Variants in ERBB4 observed in about 807,000 individuals in gnomAD.
ERBB4 encodes receptor tyrosine-protein kinase erbB-4.
In ERBB4, 42 loss-of-function variants were observed where a neutral mutation model predicts 158.0. That is an observed-to-expected ratio of 0.27 (90% confidence interval 0.21 to 0.34). The LOEUF (loss-of-function observed/expected upper bound fraction) is 0.34. ERBB4 is among the 10% of genes least tolerant of loss of function. The pLI, the probability that ERBB4 is intolerant of heterozygous loss-of-function variation, is 1.00. For synonymous variants in ERBB4, 583 were observed against 558.7 expected, an observed-to-expected ratio of 1.04 and a Z score of -0.61; for missense variants, 1,333 against 1,624.1, an observed-to-expected ratio of 0.82 and a Z score of 3.08.
At chr2:211,481,347 A>G (rs2065077860) in intron 20 of ERBB4, among the ~76,000 whole-genome samples, 1 of 152,160 alleles carries the variant, frequency 6.6e-6, no homozygotes, top group Non-Finnish European at 1.5e-5. Context: ...AACTTCTAAT[A>G]GAGACTTTCA....
chr2:212,325,685 C>G lies in ERBB4; in HGVS notation c.83-200782G>C, dbSNP rs1048589132. Among the ~76,000 whole-genome samples the G allele has an allele frequency of 2.0e-5, 3 of 150,388 alleles. No individual in the cohort carries two copies. In the East Asian group the frequency reaches 5.9e-4, roughly 29 times the overall value. ...ACCAGAGAGTTTAGAATTTATCATT[C>G]CTGTGTATTAAAGTTTTATGAGCTG... On this transcript the variant is annotated intron_variant, in intron 1 of 27. Coordinates refer to ENST00000342788, the MANE Select transcript of ERBB4 (RefSeq NM_005235.3).
At chr2:211,562,560 T>C (rs1275794319) in intron 19 of ERBB4, among the ~76,000 whole-genome samples, 2 of 152,048 alleles carry the variant, frequency 1.3e-5, no homozygotes, top group Non-Finnish European at 2.9e-5. Flanking sequence ...AACGGTGTCA[T>C]GTATAAATCG....
chr2:211,865,761 A>G (rs2078189683), intron 3 of ERBB4, among the ~76,000 whole-genome samples: 1 of 152,216 alleles, frequency 6.6e-6, no homozygotes, highest in Admixed American at 6.5e-5. Flanking sequence ...GTAAGAAGTC[A>G]TTCCTATTTC....
At chr2:212,096,186 T>A (rs1477821480) in intron 2 of ERBB4, among the ~76,000 whole-genome samples, 1 of 151,924 alleles carries the variant, frequency 6.6e-6, no homozygotes. Flanking sequence ...GGACATGAAT[T>A]GAAGAAAAAG....
intron 14 of ERBB4, among the ~76,000 whole-genome samples, chr2:211,668,355 C>T (rs1408478855): frequency 6.6e-6 from 1 of 152,188 alleles, no homozygotes; most frequent in Admixed American, 6.5e-5. Flanking sequence ...GATTCCCCAT[C>T]TCATTTCCAT....
At chr2:211,479,702 T>TA (rs1311659057) in intron 20 of ERBB4, among the ~76,000 whole-genome samples, 1 of 152,180 alleles carries the variant, frequency 6.6e-6, no homozygotes, top group African/African-American at 2.4e-5. Flanking sequence ...ACTTTGCATG[T>TA]ATTCATGCTC....
chr2:212,288,245 GAC>G (rs548557165), intron 1 of ERBB4, among the ~76,000 whole-genome samples: 24 of 152,212 alleles, frequency 1.6e-4, no homozygotes, highest in South Asian at 1.0e-3. Flanking sequence ...TGCTAGTTTA[GAC>G]TAGGTTTCAG....
At chr2:211,958,003 G>C (rs376478464) in intron 2 of ERBB4, among the ~76,000 whole-genome samples, 5 of 152,182 alleles carry the variant, frequency 3.3e-5, no homozygotes, top group African/African-American at 1.2e-4. Context: ...AAAAGTTAGA[G>C]GTGACTGATT....
At chr2:212,119,042 A>C (rs2079659876) in intron 2 of ERBB4, among the ~76,000 whole-genome samples, 1 of 152,000 alleles carries the variant, frequency 6.6e-6, no homozygotes, top group Non-Finnish European at 1.5e-5. Context: ...TAATGATTAA[A>C]ATTTAAGGTT....
At chr2:212,431,515 C>T (rs975759882) in intron 1 of ERBB4, among the ~76,000 whole-genome samples, 1 of 152,028 alleles carries the variant, frequency 6.6e-6, no homozygotes, top group Non-Finnish European at 1.5e-5. Flanking sequence ...TTGCCTTTGA[C>T]TCTGTTCAGA....
intron 5 of ERBB4, among the ~76,000 whole-genome samples, chr2:211,739,829 A>G (rs2074730967): frequency 2.0e-5 from 3 of 152,124 alleles, no homozygotes; most frequent in Admixed American, 6.6e-5. Flanking sequence ...AAGCATTGGT[A>G]ATTGATTAAA....
At chr2:212,376,703 T>C (rs1195879160) in intron 1 of ERBB4, among the ~76,000 whole-genome samples, 2 of 152,048 alleles carry the variant, frequency 1.3e-5, no homozygotes, top group African/African-American at 4.8e-5. Context: ...AAAGACTGCA[T>C]TGACATTCTT....
At chr2:211,725,942 C>T (rs2074251713) in intron 5 of ERBB4, among the ~76,000 whole-genome samples, 1 of 152,056 alleles carries the variant, frequency 6.6e-6, no homozygotes, top group African/African-American at 2.4e-5. Context: ...TAACATGCTT[C>T]AATCCAAGCT....
chr2:212,505,415 A>T (rs192367457), intron 1 of ERBB4, among the ~76,000 whole-genome samples: 1 of 149,756 alleles, frequency 6.7e-6, no homozygotes, highest in African/African-American at 2.4e-5. Flanking sequence ...ACTCTTGAAG[A>T]GAGTGAGTAT....
At chr2:212,339,670 A>G (rs977187072) in intron 1 of ERBB4, among the ~76,000 whole-genome samples, 1 of 151,904 alleles carries the variant, frequency 6.6e-6, no homozygotes, top group African/African-American at 2.4e-5. Flanking sequence ...AACTGTGAGA[A>G]AGATTAATTT....
chr2:211,773,449 A>G (rs969491895), intron 4 of ERBB4, among the ~76,000 whole-genome samples: 3 of 150,114 alleles, frequency 2.0e-5, no homozygotes, highest in Non-Finnish European at 4.4e-5. Flanking sequence ...AATACTTGCA[A>G]TGCATGATGA....
chr2:211,669,522 T>C (rs546617918), intron 14 of ERBB4, among the ~76,000 whole-genome samples: 7 of 152,178 alleles, frequency 4.6e-5, no homozygotes, highest in Non-Finnish European at 8.8e-5. Context: ...TCCTATACCT[T>C]TCTGGATAGG....
intron 5 of ERBB4, among the ~76,000 whole-genome samples, chr2:211,727,285 T>C (rs1348140206): frequency 1.3e-5 from 2 of 152,174 alleles, no homozygotes; most frequent in East Asian, 3.8e-4. Flanking sequence ...ACATGGTCCC[T>C]ATTAACAGTG....
At chr2:212,126,386 G>T (rs74919863) in intron 1 of ERBB4, among the ~76,000 whole-genome samples, 3,149 of 150,202 alleles carry the variant, frequency 0.021, 117 homozygotes, top group African/African-American at 0.074. Context: ...CTTGAATCTG[G>T]GAGGAGGAGG....
Sources: allele counts gnomAD v4.1 joint callset (sites outside exome capture counted in the v4.1 genomes callset), GRCh38; gene constraint gnomAD v4.1.1; transcripts MANE v1.5; gene names NCBI Gene and HGNC (gene_info 2026-07-23, HGNC 2026-07-21).